The following NLGN4X variants were observed in gnomAD, a reference collection of about 807,000 sequenced individuals.
NLGN4X encodes neuroligin-4, X-linked.
Under a neutral mutation model 40.3 loss-of-function variants are expected in NLGN4X, and 3 were observed. The observed-to-expected ratio is 0.07, with a 90% confidence interval of 0.03 to 0.19. The LOEUF is 0.19. NLGN4X is among the 10% of genes least tolerant of loss of function. NLGN4X has a pLI of 1.00. For missense variants in NLGN4X, 382 were observed against 708.3 expected (o/e 0.54, Z 5.23); for synonymous variants, 270 against 306.8 (o/e 0.88, Z 1.25).
At chrX:6,224,995 TATATATATATATATATAC>T (rs1204732628) in intron 1 of NLGN4X, among the ~76,000 whole-genome samples, 14 of 52,881 alleles carry the variant, frequency 2.6e-4, no homozygotes, top group African/African-American at 1.0e-3. Flanking sequence ...TATATATATA[TATATATATATATATATAC>T]ACACACACAC....
At chrX:6,179,099 A>AAGGAAGGAAGGAAGGAAGGAAGG (rs1921123557) in intron 1 of NLGN4X, among the ~76,000 whole-genome samples, 4 of 78,201 alleles carry the variant, frequency 5.1e-5, no homozygotes, top group African/African-American at 1.9e-4. Context: ...ACCCTGAAAA[A>AAGGAAGGAAGGAAGGAAGGAAGG]AAGGAAGGAA....
intron 4 of NLGN4X, among the ~76,000 whole-genome samples, chrX:5,904,804 T>C (rs1203990877): frequency 8.9e-6 from 1 of 112,034 alleles, no homozygotes; most frequent in African/African-American, 3.2e-5. Context: ...CACTAAAGAA[T>C]AAGGCATTCA....
At chrX:6,072,844 C>T (rs753325134) in intron 2 of NLGN4X, among the ~76,000 whole-genome samples, 4 of 111,859 alleles carry the variant, frequency 3.6e-5, no homozygotes, top group Non-Finnish European at 7.5e-5. Flanking sequence ...AAATGTTACT[C>T]ATCTCTCCAA....
rs1046246381 is a variant in NLGN4X at position 6,206,550 on chromosome X, G to A, written c.-306+21991C>T. Among the ~76,000 whole-genome samples, 10 of 111,893 alleles carry A rather than the reference G, an allele frequency of 8.9e-5. No homozygotes were observed. The Admixed American group carries it at 9.5e-4, about 11-fold the overall frequency. On this transcript the variant is annotated intron_variant, in intron 1 of 5. Transcript: ENST00000381095. ...CAGGAATATACTCTCTCAAAGTTCTGAAGTCTAGAAGTCCAAAATCATGAT... is the reference window on the plus strand; with the variant it reads ...CAGGAATATACTCTCTCAAAGTTCTAAAGTCTAGAAGTCCAAAATCATGAT...
intron 4 of NLGN4X, 146 bp downstream of exon 4, chrX:5,908,908 G>A (rs1392341201): frequency 1.6e-6 from 1 of 638,102 alleles, no homozygotes; most frequent in African/African-American, 2.2e-5. Flanking sequence ...TAAAAGACAT[G>A]AAGATGGATT....
At chrX:6,030,751 T>C (rs1384653255) in intron 2 of NLGN4X, among the ~76,000 whole-genome samples, 2 of 112,160 alleles carry the variant, frequency 1.8e-5, no homozygotes, top group Non-Finnish European at 3.8e-5. Context: ...TTTTCTCATA[T>C]AAAATTCAAA....
rs2037963861 is a variant in NLGN4X, at chrX:6,067,922, T to C, written c.473-38490A>G. Among the ~76,000 whole-genome samples, 3 of 111,206 alleles carry C rather than the reference T, an allele frequency of 2.7e-5. No homozygotes were observed. The Admixed American group carries it at 2.9e-4, about 11-fold the overall frequency. ...GGAGGACAGAAACATAAAACAGAAATTGTCCTTTTTCAAATCCCCAAATAA... is the reference window on the plus strand; with the variant it reads ...GGAGGACAGAAACATAAAACAGAAACTGTCCTTTTTCAAATCCCCAAATAA... On this transcript the variant is annotated intron_variant, in intron 2 of 5. Coordinates refer to ENST00000381095, the MANE Select transcript of NLGN4X (RefSeq NM_181332.3).
At chrX:6,023,364 G>A (rs1262164571) in intron 3 of NLGN4X, among the ~76,000 whole-genome samples, 1 of 112,376 alleles carries the variant, frequency 8.9e-6, no homozygotes, top group Non-Finnish European at 1.9e-5. Flanking sequence ...TATCACAATT[G>A]TGTATCTTGA....
In NLGN4X at chrX:6,032,233, C is replaced by T. The variant is rs867046947; in HGVS notation, c.473-2801G>A. On this transcript the variant is annotated intron_variant, in intron 2 of 5. Transcript: ENST00000381095. ...AAAAAACTGATATTTCAGCCCCCCC[C>T]CCCCCAAAAAAAATTCTTCTAAGGT... 1.9e-4 allele frequency among the ~76,000 whole-genome samples: 18 copies of T among 93,117 alleles called. 1 individual carries two copies. Among genetic ancestry groups the T allele is most frequent in the African/African-American group, 6.3e-4 (16 of 25,525 alleles). 80.9% of individuals were successfully genotyped at this position (93,117 alleles called of 115,157 possible).
chrX:6,044,717 G>A (rs1006956256), intron 2 of NLGN4X, among the ~76,000 whole-genome samples: 1 of 111,423 alleles, frequency 9.0e-6, no homozygotes, highest in Non-Finnish European at 1.9e-5. Context: ...ACACCCCTCT[G>A]GTGGGTGATG....
At chrX:6,051,126 C>T in intron 2 of NLGN4X, among the ~76,000 whole-genome samples, 1 of 111,711 alleles carries the variant, frequency 9.0e-6, no homozygotes, top group South Asian at 3.8e-4. Flanking sequence ...TATAACACCC[C>T]ACATCCTTAT....
At chrX:6,074,079 C>T (rs1281611113) in intron 2 of NLGN4X, among the ~76,000 whole-genome samples, 2 of 110,770 alleles carry the variant, frequency 1.8e-5, no homozygotes, top group African/African-American at 6.6e-5. Context: ...ACAAGACCCC[C>T]CCAAAGTTAC....
chrX:6,166,714 A>T (rs976152887), intron 1 of NLGN4X, among the ~76,000 whole-genome samples: 1 of 110,545 alleles, frequency 9.0e-6, no homozygotes, highest in Non-Finnish European at 1.9e-5. Context: ...CTCCTCAGCT[A>T]TCTCATACGA....
At chrX:6,135,742 G>C (rs1291759889) in intron 2 of NLGN4X, among the ~76,000 whole-genome samples, 1 of 111,678 alleles carries the variant, frequency 9.0e-6, no homozygotes, top group East Asian at 2.8e-4. Context: ...TGACATACTA[G>C]GAAATGCTGT....
chrX:5,995,811 A>G (rs2035801893), intron 3 of NLGN4X, among the ~76,000 whole-genome samples: 1 of 111,948 alleles, frequency 8.9e-6, no homozygotes, highest in Admixed American at 9.5e-5. Context: ...AGAGACCCTC[A>G]GAGTTCACTG....
chrX:5,904,439 T>C (rs947315179), intron 4 of NLGN4X, among the ~76,000 whole-genome samples: 6 of 112,347 alleles, frequency 5.3e-5, no homozygotes, highest in Non-Finnish European at 1.1e-4. Flanking sequence ...TTAAAATAAA[T>C]ACATTCAGCT....
chrX:6,146,696 C>CAAAA (rs3072062), intron 2 of NLGN4X, among the ~76,000 whole-genome samples: 8 of 97,165 alleles, frequency 8.2e-5, no homozygotes, highest in Non-Finnish European at 1.4e-4. Flanking sequence ...GTATTGCTAG[C>CAAAA]AAAAAAAAAA....
intron 3 of NLGN4X, among the ~76,000 whole-genome samples, chrX:5,910,099 T>C (rs1315790058): frequency 8.9e-6 from 1 of 111,816 alleles, no homozygotes; most frequent in Non-Finnish European, 1.9e-5. Context: ...ATCTATTTTA[T>C]TTTTTGTTCC....
chrX:5,998,012 A>C (rs2035878288), intron 3 of NLGN4X, among the ~76,000 whole-genome samples: 1 of 111,792 alleles, frequency 8.9e-6, no homozygotes, highest in African/African-American at 3.3e-5. Flanking sequence ...GCCTTAGTCT[A>C]ACTTTGCTTA....
Sources: allele counts gnomAD v4.1 joint callset (sites outside exome capture counted in the v4.1 genomes callset), GRCh38; gene constraint gnomAD v4.1.1; transcripts MANE v1.5; gene names NCBI Gene and HGNC (gene_info 2026-07-23, HGNC 2026-07-21).